The following TGM5 variants were observed in gnomAD, a reference collection of about 807,000 sequenced individuals.
The protein encoded by TGM5 is protein-glutamine gamma-glutamyltransferase 5.
TGM5 carries 69 observed loss-of-function variants against 77.2 expected under a neutral mutation model. The ratio of observed to expected loss-of-function variants is 0.89; its 90% confidence interval spans 0.74 to 1.09. The LOEUF (loss-of-function observed/expected upper bound fraction) is 1.09. Among genes scored for constraint, TGM5 ranks in the 50% least tolerant of loss-of-function variants. The pLI is 0.00. For missense variants in TGM5, 842 were observed against 896.5 expected (o/e 0.94, Z 0.78); for synonymous variants, 346 against 351.8 (o/e 0.98, Z 0.18).
Position 43,256,604 on chromosome 15 carries a change from C to G in TGM5, c.519G>C (p.Lys173Asn). Reference protein sequence around the residue: ...NDYGFIYQGSKNWIRPCPWNY... With the variant: ...NDYGFIYQGSNNWIRPCPWNY... ...TCCAGGGACATGGGCGGATCCAGTTCTTGCTGCCTTGGTAGATGAAGCCAT... is the reference window on the plus strand; with the variant it reads ...TCCAGGGACATGGGCGGATCCAGTTGTTGCTGCCTTGGTAGATGAAGCCAT... Residue 173 changes from lysine to asparagine, a missense_variant, in exon 4 of 13, where the codon AAG (lysine) becomes AAC (asparagine). By Grantham distance (94) the Lys-to-Asn change is moderately conservative. Transcript: ENST00000220420. 6.2e-7 allele frequency: 1 copy of G among 1,614,152 alleles called. No individual in the cohort carries two copies. The highest frequency in any genetic ancestry group is 8.5e-7 in the Non-Finnish European group (1 of 1,180,030).
intron 5 of TGM5, 53 bp downstream of exon 5, chr15:43,253,453 C>T: frequency 6.2e-7 from 1 of 1,602,510 alleles, no homozygotes; most frequent in African/African-American, 1.3e-5. Flanking sequence ...TGTGAGTGGG[C>T]AGGGCTCCCG....
At chr15:43,241,078 T>A (rs1243842238) in intron 6 of TGM5, 88 bp from the exon 7 acceptor site, 1 of 1,565,786 alleles carries the variant, frequency 6.4e-7, no homozygotes, top group African/African-American at 1.4e-5. Context: ...CCTGGGGAAA[T>A]CTTCCATTTG....
At chr15:43,258,711 C>A (rs1328159181) in intron 3 of TGM5, among the ~76,000 whole-genome samples, 4 of 152,220 alleles carry the variant, frequency 2.6e-5, no homozygotes, top group Non-Finnish European at 4.4e-5. Context: ...AGCCAATACC[C>A]TCCTGTCCTG....
intron 1 of TGM5, among the ~76,000 whole-genome samples, chr15:43,261,192 C>G (rs2042788497): frequency 6.7e-6 from 1 of 149,900 alleles, no homozygotes; most frequent in South Asian, 2.1e-4. Context: ...CGGGTTCACG[C>G]CATTCTCCTG....
chr15:43,246,913 G>T lies in TGM5; in HGVS notation c.862+5846C>A, dbSNP rs866667612. On this transcript the variant is annotated intron_variant, in intron 6 of 12. Coordinates refer to ENST00000220420, the MANE Select transcript of TGM5 (RefSeq NM_201631.4). Reference sequence around the variant, plus strand: ...TTAAGCTTAGGGTAAAGACTGCTCTGGAGCCATCATAACAAAGCTTAAAAG... The same window carrying T: ...TTAAGCTTAGGGTAAAGACTGCTCTTGAGCCATCATAACAAAGCTTAAAAG... 3.3e-5 allele frequency among the ~76,000 whole-genome samples: 5 copies of T among 152,216 alleles called. No homozygotes were observed. The South Asian group carries it at 6.2e-4, about 19-fold the overall frequency.
chr15:43,235,146 C>A (rs1013314095), intron 10 of TGM5, among the ~76,000 whole-genome samples: 1 of 152,022 alleles, frequency 6.6e-6, no homozygotes, highest in Non-Finnish European at 1.5e-5. Flanking sequence ...GAGGCTCCAA[C>A]GAAGGTCTCA....
intron 4 of TGM5, among the ~76,000 whole-genome samples, chr15:43,253,864 C>T (rs916898806): frequency 9.2e-5 from 14 of 152,206 alleles, no homozygotes; most frequent in African/African-American, 3.1e-4. Flanking sequence ...CCCTTCACTC[C>T]GAGATGACTA....
intron 7 of TGM5, chr15:43,239,552 T>A (rs1327187918): frequency 2.2e-6 from 1 of 461,416 alleles, no homozygotes; most frequent in Non-Finnish European, 4.0e-6. Context: ...TCATGGCACA[T>A]GCCTATAGTC....
chr15:43,253,536 G>A lies in TGM5; in HGVS notation c.654C>T (p.Pro218=), dbSNP rs77256087. ...CACACACCACTCTGCTGACGTAGAC[G>A]GGGCTTCCCCGCAGAGCACAGTCTG... is the stretch of plus-strand genomic sequence containing the variant. ...PATDCALRGS[P]VYVSRVVCAM... The change falls in exon 5 of 13, where the codon CCC becomes CCT. Residue 218 remains proline, a synonymous_variant. Coordinates refer to ENST00000220420, the MANE Select transcript of TGM5 (RefSeq NM_201631.4). 8,737 of 1,613,290 alleles carry A rather than the reference G, an allele frequency of 5.4e-3. 307 individuals are homozygous for A. In the African/African-American group the frequency reaches 0.084, roughly 15 times the overall value.
At chr15:43,264,545 A>C (rs1342373068) in intron 1 of TGM5, among the ~76,000 whole-genome samples, 1 of 152,254 alleles carries the variant, frequency 6.6e-6, no homozygotes, top group African/African-American at 2.4e-5. Flanking sequence ...TTATATTTAT[A>C]TGAAATGTCC....
chr15:43,248,118 G>A (rs553957892), intron 6 of TGM5, among the ~76,000 whole-genome samples: 24 of 152,052 alleles, frequency 1.6e-4, no homozygotes, highest in Non-Finnish European at 3.1e-4. Flanking sequence ...GGAAATAAAA[G>A]GGAAAAAAAG....
intron 2 of TGM5, 21 bp from the exon 3 acceptor site, chr15:43,260,318 A>G: frequency 6.2e-7 from 1 of 1,614,118 alleles, no homozygotes; most frequent in Non-Finnish European, 8.5e-7. Context: ...AGTAGAGCTG[A>G]GGCCCTCCAT....
At chr15:43,259,914 G>C in intron 3 of TGM5, 138 bp downstream of exon 3, 1 of 1,215,098 alleles carries the variant, frequency 8.2e-7, no homozygotes, top group Non-Finnish European at 1.2e-6. Flanking sequence ...ATTGGTGGTA[G>C]TTGGGGCGGA....
At chr15:43,235,899 G>T in intron 9 of TGM5, 62 bp from the exon 10 acceptor site, 1 of 1,604,180 alleles carries the variant, frequency 6.2e-7, no homozygotes, top group Non-Finnish European at 8.5e-7. Context: ...GACTGAGGCT[G>T]AGCGCCATCC....
chr15:43,238,969 A>T lies in TGM5; in HGVS notation c.1193T>A (p.Met398Lys), dbSNP rs750906740. Residue 398 changes from methionine (M) to lysine (K), a missense_variant, in exon 9 of 13, where the codon ATG (methionine) becomes AAG (lysine). By Grantham distance (95) the Met-to-Lys change is moderately conservative (BLOSUM62 -1). Coordinates refer to ENST00000220420, the MANE Select transcript of TGM5 (RefSeq NM_201631.4). ...CCAGGACATGCAGTCAGCATTCACCATCGAAAACACAAAGGGCGTGTCATA... is the reference window on the plus strand; with the variant it reads ...CCAGGACATGCAGTCAGCATTCACCTTCGAAAACACAAAGGGCGTGTCATA... ...LNYDTPFVFS[M>K]VNADCMSWLV... is the part of the protein sequence containing the mutation. 8.1e-6 allele frequency: 13 copies of T among 1,614,014 alleles called. No homozygotes were observed. The highest frequency in any genetic ancestry group is 1.0e-5 in the Non-Finnish European group (12 of 1,180,026).
At chr15:43,254,546 C>G (rs978994161) in intron 4 of TGM5, among the ~76,000 whole-genome samples, 3 of 152,172 alleles carry the variant, frequency 2.0e-5, no homozygotes, top group Non-Finnish European at 4.4e-5. Flanking sequence ...CTCCTACAGC[C>G]TAGAGAATCA....
chr15:43,263,270 A>G lies in TGM5; in HGVS notation c.11-2691T>C, dbSNP rs75744408. The stretch of plus-strand genomic sequence containing the variant: ...TGGAAGGCAATATCATTAAGATAAC[A>G]AGTTTTTCTGCAGATTCAACACAAT... On this transcript the variant is annotated intron_variant, in intron 1 of 12. Transcript: ENST00000220420. Among the ~76,000 whole-genome samples, 156 of 152,390 alleles carry G rather than the reference A, an allele frequency of 1.0e-3. 1 individual carries two copies. In the East Asian group the frequency reaches 0.025, roughly 25 times the overall value.
chr15:43,262,532 AT>A (rs1437422156), intron 1 of TGM5, among the ~76,000 whole-genome samples: 1 of 152,200 alleles, frequency 6.6e-6, no homozygotes, highest in African/African-American at 2.4e-5. Context: ...CACACCTATA[AT>A]TTCAGCACTT....
intron 12 of TGM5, 29 bp from the exon 13 acceptor site, chr15:43,233,373 A>G (rs764366106): frequency 6.2e-7 from 1 of 1,612,552 alleles, no homozygotes; most frequent in Non-Finnish European, 8.5e-7. Context: ...CATGTCAGAA[A>G]ACCAAAAGCA....
Sources: allele counts gnomAD v4.1 joint callset (sites outside exome capture counted in the v4.1 genomes callset), GRCh38; gene constraint gnomAD v4.1.1; transcripts MANE v1.5; gene names NCBI Gene and HGNC (gene_info 2026-07-23, HGNC 2026-07-21).